CPLX2: variants seen among roughly 807,000 people sequenced by gnomAD.
The protein encoded by CPLX2 is complexin-2.
A neutral mutation model predicts 16.3 loss-of-function variants in CPLX2; 5 were observed. The ratio of observed to expected loss-of-function variants is 0.31; its 90% CI spans 0.16 to 0.64. The LOEUF is 0.64. Among genes scored for constraint, CPLX2 ranks in the 30% least tolerant of loss-of-function variants. The probability of loss-of-function intolerance (pLI) is 0.79; values close to 1 mark genes in which losing one functional copy is unlikely to be tolerated. For synonymous variants in CPLX2, 89 were observed against 73.2 expected, an observed-to-expected ratio of 1.22 and a Z score of -1.10; for missense variants, 144 against 181.4, an observed-to-expected ratio of 0.79 and a Z score of 1.18.
intron 2 of CPLX2, among the ~76,000 whole-genome samples, chr5:175,863,812 T>C (rs941195777): frequency 6.6e-6 from 1 of 152,186 alleles, no homozygotes; most frequent in African/African-American, 2.4e-5. Flanking sequence ...CCTCACACAG[T>C]TCCCATTTTG....
chr5:175,877,262 C>T (rs1444343241), intron 1 of CPLX2, among the ~76,000 whole-genome samples: 4 of 149,960 alleles, frequency 2.7e-5, no homozygotes, highest in Admixed American at 6.6e-5. Context: ...ACTTTCTCTT[C>T]CCAAAACAAC....
chr5:175,832,536 G>A (rs1034656122), intron 2 of CPLX2, among the ~76,000 whole-genome samples: 14 of 152,140 alleles, frequency 9.2e-5, no homozygotes, highest in Non-Finnish European at 1.8e-4. Context: ...TCTCCTTAAC[G>A]GGCCTGTGAC....
Position 175,880,286 on chromosome 5 carries a change from G to A in CPLX2, c.*241G>A, listed in dbSNP as rs1326279173. ...GGGAGGACAGTCTTTCCCCAGCAGG[G>A]GTCAGGGGGGCCCCTCAGGAAGCCT... On this transcript the variant is annotated 3_prime_UTR_variant, in exon 4 of 4. Transcript: ENST00000393745. 5.0e-6 allele frequency: 3 copies of A among 604,624 alleles called. No homozygotes were observed. Among genetic ancestry groups the A allele is most frequent in the Non-Finnish European group, 9.0e-6 (3 of 333,030 alleles). The allele number at this position is 604,624 out of a possible 1,614,324, so 37.5% of individuals were successfully genotyped here.
At position 175,822,076 on chromosome 5, in the gene CPLX2, G is replaced by A. The variant is rs565427736; in HGVS notation, c.-89+13008G>A. On this transcript the variant is annotated intron_variant, in intron 2 of 4. Transcript: ENST00000359546. The stretch of plus-strand genomic sequence containing the variant: ...AAGGACCAGCTCATTTGCCTGGAAC[G>A]TAGGGAATTTGAATGTCATCTTTCT... Among the ~76,000 whole-genome samples the A allele has an allele frequency of 6.6e-5, 10 of 152,300 alleles. No homozygotes were observed. In the East Asian group the frequency reaches 1.2e-3, roughly 18 times the overall value.
intron 1 of CPLX2, among the ~76,000 whole-genome samples, chr5:175,875,930 G>A (rs564287324): frequency 9.2e-5 from 14 of 152,162 alleles, no homozygotes; most frequent in African/African-American, 3.1e-4. Flanking sequence ...TTTGCAAACT[G>A]GTGGAGGGGT....
chr5:175,822,750 G>A (rs1758537107), intron 2 of CPLX2, among the ~76,000 whole-genome samples: 1 of 152,218 alleles, frequency 6.6e-6, no homozygotes, highest in African/African-American at 2.4e-5. Flanking sequence ...CCATTCCAGT[G>A]GTGTCAGCAA....
At chr5:175,823,042 CA>C (rs371018355) in intron 2 of CPLX2, among the ~76,000 whole-genome samples, 3 of 152,050 alleles carry the variant, frequency 2.0e-5, no homozygotes, top group African/African-American at 7.2e-5. Context: ...GTCATCTCCT[CA>C]AAAAAAAGTC....
rs1370443781 is a variant in CPLX2 at position 175,872,943 on chromosome 5, TG to T, written c.-89+1241del. On this transcript the variant is annotated intron_variant, in intron 1 of 3. Transcript: ENST00000393745. This position sits in a 1 kb window ranked among gnomAD's most constrained non-coding sequence, Gnocchi z 5.0. ...AGATGGTCGAGCCTGAGTCGGTGCT[TG>T]GGCTGGGACGGGCTCGGAGGGAGTC... 3 of 152,166 alleles carry T rather than the reference TG, an allele frequency of 2.0e-5. No individual in the cohort carries two copies. Among genetic ancestry groups the T allele is most frequent in the Non-Finnish European group, 4.4e-5 (3 of 68,060 alleles). The allele number at this position is 152,166 out of a possible 1,614,324, so 9.4% of individuals were successfully genotyped here.
intron 2 of CPLX2, among the ~76,000 whole-genome samples, chr5:175,834,650 A>G (rs1295024905): frequency 6.6e-6 from 1 of 152,192 alleles, no homozygotes; most frequent in African/African-American, 2.4e-5. Context: ...AAGTGGACAG[A>G]TCACGAGGTC....
intron 2 of CPLX2, chr5:175,837,868 T>C (rs1758866612): frequency 6.6e-6 from 1 of 152,220 alleles, no homozygotes; most frequent in Admixed American, 6.5e-5. Context: ...ACTGGGATGC[T>C]ACATTGAACC....
intron 2 of CPLX2, among the ~76,000 whole-genome samples, chr5:175,829,744 C>G (rs1758695893): frequency 6.6e-6 from 1 of 152,210 alleles, no homozygotes; most frequent in Non-Finnish European, 1.5e-5. Context: ...AATGAAGAAA[C>G]TGAGAGACTT....
At position 175,878,736 on chromosome 5, in the gene CPLX2, C is replaced by A; in HGVS notation, c.-4C>A. ...GCTAAGGCACGCTAACCAGAGCCGG[C>A]GGCATGGACTTCGTCATGAAGCAGG... On this transcript the variant is annotated 5_prime_UTR_variant, in exon 2 of 4. Transcript: ENST00000393745. 6.2e-7 allele frequency: 1 copy of A among 1,613,316 alleles called. No homozygotes were observed. The highest frequency in any genetic ancestry group is 8.5e-7 in the Non-Finnish European group (1 of 1,179,834).
rs770237298 is a variant in CPLX2 at position 175,872,415 on chromosome 5, A to G, written c.-89+710A>G. Reference sequence around the variant, plus strand: ...GCCTCAATCTGCCCCCTTCCCCAGCAAAGTTTGAAACCGGGCCGGGTCTTG... The same window carrying G: ...GCCTCAATCTGCCCCCTTCCCCAGCGAAGTTTGAAACCGGGCCGGGTCTTG... On this transcript the variant is annotated intron_variant, in intron 1 of 3. Coordinates refer to ENST00000393745, the MANE Select transcript of CPLX2 (RefSeq NM_001008220.2). This position sits in a 1 kb window ranked among gnomAD's most constrained non-coding sequence, Gnocchi z 5.0. Among the ~76,000 whole-genome samples, 15 of 152,008 alleles carry G rather than the reference A, an allele frequency of 9.9e-5. No homozygotes were observed. The highest frequency in any genetic ancestry group is 2.1e-4 in the Non-Finnish European group (14 of 67,988).
Position 175,830,117 on chromosome 5 carries a change from G to C in CPLX2, c.-89+21049G>C, listed in dbSNP as rs551134696. Among the ~76,000 whole-genome samples, 73 of 152,322 alleles carry C rather than the reference G, an allele frequency of 4.8e-4. No individual in the cohort carries two copies. The highest frequency in any genetic ancestry group is 1.0e-3 in the South Asian group (5 of 4,824). ...AAAACAGAACTGTGTGGTGCCAGGT[G>C]ATCCAGAAGAGAAGCAGTGAGAGCT... On this transcript the variant is annotated intron_variant, in intron 2 of 4. Coordinates refer to the CPLX2 transcript ENST00000359546. This position sits in a 1 kb window ranked among gnomAD's most constrained non-coding sequence, Gnocchi z 4.0.
intron 2 of CPLX2, among the ~76,000 whole-genome samples, chr5:175,825,487 C>A (rs1758596248): frequency 6.6e-6 from 1 of 152,024 alleles, no homozygotes; most frequent in South Asian, 2.1e-4. Context: ...TAGTGAAAAA[C>A]TTCCAAGCTG....
intron 2 of CPLX2, among the ~76,000 whole-genome samples, chr5:175,825,758 C>T (rs1361857552): frequency 6.6e-6 from 1 of 151,918 alleles, no homozygotes; most frequent in Admixed American, 6.6e-5. Context: ...CCATCACACT[C>T]CTGGAAACTC....
chr5:175,800,081 C>T (rs966265992), intron 1 of CPLX2, among the ~76,000 whole-genome samples: 4 of 152,054 alleles, frequency 2.6e-5, no homozygotes, highest in Non-Finnish European at 4.4e-5. Flanking sequence ...CTTGGAGGTG[C>T]TAAATGAGTA....
chr5:175,821,392 C>A (rs910337162), intron 2 of CPLX2, among the ~76,000 whole-genome samples: 24 of 152,122 alleles, frequency 1.6e-4, no homozygotes, highest in African/African-American at 5.8e-4. Flanking sequence ...TCCTAAATTT[C>A]TTTTCCTTCT....
In CPLX2 at chr5:175,872,195, C is replaced by CCGGAGTGAGTCAGAGGGCGG. The variant is rs1759642642; in HGVS notation, c.-89+494_-89+513dup. 1.3e-5 allele frequency: 2 copies of CCGGAGTGAGTCAGAGGGCGG among 152,356 alleles called. No homozygotes were observed. Among genetic ancestry groups the CCGGAGTGAGTCAGAGGGCGG allele is most frequent in the African/African-American group, 4.8e-5 (2 of 41,434 alleles). The allele number at this position is 152,356 out of a possible 1,614,324, so 9.4% of individuals were successfully genotyped here. On this transcript the variant is annotated intron_variant, in intron 1 of 3. Coordinates refer to ENST00000393745, the MANE Select transcript of CPLX2 (RefSeq NM_001008220.2). The surrounding 1 kb of genome is among the most constrained non-coding windows in gnomAD (Gnocchi z 5.0). ...GCCCCCAGGGGTACAGTGCGCACTC[C>CCGGAGTGAGTCAGAGGGCGG]CGGAGTGAGTCAGAGGGCGGCGGCA...
Sources: gnomAD v4.1 joint callset for allele counts (sites outside exome capture counted in the v4.1 genomes callset) on GRCh38, gnomAD v4.1.1 for gene constraint, Gnocchi (gnomAD v3.1) non-coding constraint, MANE v1.5 for transcripts, NCBI Gene and HGNC (gene_info 2026-07-23, HGNC 2026-07-21) for gene names.